ADGRV1: variants seen among roughly 807,000 people sequenced by gnomAD.
The protein encoded by ADGRV1 is adhesion G protein-coupled receptor V1, also known as G-protein coupled receptor 98.
In ADGRV1, 359 loss-of-function variants were observed where a neutral mutation model predicts 596.2. The observed-to-expected ratio is 0.60, with a 90% confidence interval of 0.55 to 0.66. The LOEUF (loss-of-function observed/expected upper bound fraction) is 0.66, where lower values mean the gene tolerates loss of function less well. ADGRV1 is among the 30% of genes least tolerant of loss of function. The pLI is 0.00. For missense variants in ADGRV1, 7,274 were observed against 7,575.6 expected (o/e 0.96, Z 1.48); for synonymous variants, 2,681 against 2,679.2 (o/e 1.00, Z -0.02).
intron 83 of ADGRV1, among the ~76,000 whole-genome samples, chr5:90,931,716 A>G (rs1775268679): frequency 6.6e-6 from 1 of 152,256 alleles, no homozygotes; most frequent in Non-Finnish European, 1.5e-5. Context: ...ATATTTTAAT[A>G]ATGGTTAATT....
At chr5:90,719,587 A>G (rs1750641400) in intron 43 of ADGRV1, among the ~76,000 whole-genome samples, 1 of 152,060 alleles carries the variant, frequency 6.6e-6, no homozygotes, top group Non-Finnish European at 1.5e-5. Flanking sequence ...CATTTTTTTT[A>G]ATCACTGAGT....
intron 70 of ADGRV1, among the ~76,000 whole-genome samples, chr5:90,798,339 T>C (rs557791232): frequency 1.3e-5 from 2 of 152,216 alleles, no homozygotes; most frequent in African/African-American, 4.8e-5. Flanking sequence ...AATGGATAAA[T>C]TCATGGACAC....
At chr5:90,652,316 C>A in intron 18 of ADGRV1, 30 bp from the exon 19 acceptor site, 1 of 1,462,766 alleles carries the variant, frequency 6.8e-7, no homozygotes, top group Non-Finnish European at 9.3e-7. Context: ...AGATTCACTA[C>A]TTATAAATTT....
In ADGRV1 at chr5:90,720,104, T is replaced by A. The variant is rs1561591023; in HGVS notation, c.9504T>A (p.Val3168=). 1.2e-6 allele frequency: 2 copies of A among 1,613,814 alleles called. No individual in the cohort carries two copies. The highest frequency in any genetic ancestry group is 1.7e-6 in the Non-Finnish European group (2 of 1,179,726). The change falls in exon 44 of 90, where the codon GTT becomes GTA. Residue 3168 remains valine (V), a synonymous_variant. Transcript: ENST00000405460. Reference sequence around the variant, plus strand: ...AACCAGAAATGGATGAGTATTTTGTTTGCACCTTGTTTAATCCAACTGGAG... The same window carrying A: ...AACCAGAAATGGATGAGTATTTTGTATGCACCTTGTTTAATCCAACTGGAG... ...DTEPEMDEYF[V]CTLFNPTGGA...
Position 90,637,951 on chromosome 5 carries a change from A to G in ADGRV1, c.2240+3A>G, listed in dbSNP as rs1392544469. On this transcript the variant is annotated splice_donor_region_variant and intron_variant, in intron 11 of 89. Coordinates refer to ENST00000405460, the MANE Select transcript of ADGRV1 (RefSeq NM_032119.4). ...ACTGTAACACTTTCTCTAGACAGGT[A>G]ATAACCCATTTAGGTAATGTTTAGT... 1.3e-6 allele frequency: 2 copies of G among 1,598,096 alleles called. No individual in the cohort carries two copies. Among genetic ancestry groups the G allele is most frequent in the South Asian group, 1.1e-5 (1 of 90,406 alleles).
intron 83 of ADGRV1, among the ~76,000 whole-genome samples, chr5:90,881,369 A>G (rs562156240): frequency 6.6e-6 from 1 of 152,330 alleles, no homozygotes; most frequent in East Asian, 1.9e-4. Flanking sequence ...TGACCCTGTT[A>G]GCTTGACATT....
chr5:90,970,618 A>G (rs1216780868), intron 84 of ADGRV1, among the ~76,000 whole-genome samples: 1 of 150,894 alleles, frequency 6.6e-6, no homozygotes, highest in Non-Finnish European at 1.5e-5. Context: ...CCTCCAGCAA[A>G]CTCCAGCAGA....
rs1166569734 is a variant in ADGRV1, at chr5:90,745,681, C to G, written c.10860C>G (p.Ser3620=). The change falls in exon 52 of 90, where the codon TCC becomes TCG. Residue 3620 remains serine, a synonymous_variant. Coordinates refer to ENST00000405460, the MANE Select transcript of ADGRV1 (RefSeq NM_032119.4). The part of the protein sequence containing the change: ...LDDTVPEKEE[S]FKVQLKNPKG... ...ATACAGTTCCAGAAAAAGAAGAATC[C>G]TTCAAAGTTCAACTTAAAAATCCCA... is the stretch of plus-strand genomic sequence containing the variant. 1.9e-6 allele frequency: 3 copies of G among 1,611,914 alleles called. No homozygotes were observed. The highest frequency in any genetic ancestry group is 2.7e-5 in the African/African-American group (2 of 74,836).
In ADGRV1 at chr5:90,810,933, T is replaced by C. The variant is rs751862277; in HGVS notation, c.15673T>C (p.Ser5225Pro). The C allele has an allele frequency of 2.5e-6, 4 of 1,613,890 alleles. No individual in the cohort carries two copies. The East Asian group carries it at 8.9e-5, about 36-fold the overall frequency. ...SIHGTFSLGP[S>P]IVYIEEEMKN... ...TCATGGAACATTCAGCCTTGGGCCA[T>C]CCATTGTTTATATTGAAGAGGAGAT... The change falls in exon 74 of 90, where the codon TCC (serine) becomes CCC (proline). Residue 5225 changes from serine (S) to proline (P), a missense_variant. By Grantham distance (74) the Ser-to-Pro change is moderately conservative (BLOSUM62 -1). Coordinates refer to ENST00000405460, the MANE Select transcript of ADGRV1 (RefSeq NM_032119.4).
intron 45 of ADGRV1, among the ~76,000 whole-genome samples, chr5:90,721,518 A>AT (rs1389910760): frequency 0.071 from 6,912 of 97,978 alleles, 497 homozygotes; most frequent in African/African-American, 0.2. Flanking sequence ...ATAAAATAAA[A>AT]TAAAATAAAA....
Position 90,750,900 on chromosome 5 carries a change from A to G in ADGRV1, c.11121+203A>G, listed in dbSNP as rs559378269. Among the ~76,000 whole-genome samples, 6 of 152,310 alleles carry G rather than the reference A, an allele frequency of 3.9e-5. No homozygotes were observed. In the South Asian group the frequency reaches 1.2e-3, roughly 32 times the overall value. On this transcript the variant is annotated intron_variant, in intron 53 of 89. Coordinates refer to ENST00000405460, the MANE Select transcript of ADGRV1 (RefSeq NM_032119.4). ...TTCTTTTTTAAAAAAATATAAAACC[A>G]AAATTGTCCTTTAAAAAGTCATTCT...
intron 69 of ADGRV1, 24 bp from the exon 70 acceptor site, chr5:90,790,849 T>C (rs745558397): frequency 8.1e-6 from 12 of 1,483,050 alleles, no homozygotes; most frequent in African/African-American, 1.4e-5. Context: ...TATAACTTTG[T>C]TGAGTTTTTT....
At chr5:90,862,427 CAACTT>C (rs1767695241) in intron 82 of ADGRV1, among the ~76,000 whole-genome samples, 2 of 152,114 alleles carry the variant, frequency 1.3e-5, no homozygotes, top group South Asian at 2.1e-4. Context: ...TTCACACACT[CAACTT>C]AAGACTTGAA....
intron 85 of ADGRV1, among the ~76,000 whole-genome samples, chr5:91,036,045 T>G (rs1180356587): frequency 6.6e-6 from 1 of 151,454 alleles, no homozygotes; most frequent in African/African-American, 2.4e-5. Flanking sequence ...AAAAATATAC[T>G]TAATGAAGAA....
At chr5:90,643,698 G>A (rs1767309598) in intron 13 of ADGRV1, 105 bp from the exon 14 acceptor site, 3 of 831,340 alleles carry the variant, frequency 3.6e-6, no homozygotes, top group Admixed American at 2.9e-5. Flanking sequence ...TGAGTTATAT[G>A]CTTCTGAAAC....
chr5:90,642,876 C>T lies in ADGRV1; in HGVS notation c.2388C>T (p.Leu796=), dbSNP rs753259825. 1.9e-6 allele frequency: 3 copies of T among 1,607,970 alleles called. No homozygotes were observed. Among genetic ancestry groups the T allele is most frequent in the Non-Finnish European group, 8.5e-7 (1 of 1,177,210 alleles). The change falls in exon 13 of 90, where the codon CTC becomes CTT. Residue 796 remains leucine (L), a synonymous_variant. Transcript: ENST00000405460. ...TAAAGGAAGGAGAATCTGTAGAGCT[C>T]CACATCATCCGATCAAGGGGGTCCC... The part of the protein sequence containing the change: ...YVIKEGESVE[L]HIIRSRGSLV...
At chr5:90,720,412 C>T (rs1370353673) in intron 44 of ADGRV1, among the ~76,000 whole-genome samples, 189 bp downstream of exon 44, 1 of 152,180 alleles carries the variant, frequency 6.6e-6, no homozygotes, top group Admixed American at 6.5e-5. Context: ...AACCTAAACT[C>T]ACCCTGTTAT....
In ADGRV1 at chr5:91,085,574, T is replaced by C. The variant is rs368378895; in HGVS notation, c.18310+12970T>C. Among the ~76,000 whole-genome samples the C allele has an allele frequency of 3.0e-4, 45 of 152,282 alleles. 2 individuals carry two copies. In the South Asian group the frequency reaches 4.1e-3, roughly 14 times the overall value. On this transcript the variant is annotated intron_variant, in intron 86 of 89. Coordinates refer to ENST00000405460, the MANE Select transcript of ADGRV1 (RefSeq NM_032119.4). ...GTTCTCTGATCATTTCTCTTTGCCG[T>C]CTCTCTTCTTTGCCATTTTTCGTTT...
At chr5:90,797,438 A>G (rs1319559412) in intron 70 of ADGRV1, among the ~76,000 whole-genome samples, 3 of 152,184 alleles carry the variant, frequency 2.0e-5, no homozygotes, top group African/African-American at 4.8e-5. Flanking sequence ...TATCTTAAAT[A>G]TATATGCACT....
Sources: allele counts gnomAD v4.1 joint callset (sites outside exome capture counted in the v4.1 genomes callset), GRCh38; gene constraint gnomAD v4.1.1; transcripts MANE v1.5; gene names NCBI Gene and HGNC (gene_info 2026-07-23, HGNC 2026-07-21).